CRYBB1: variants seen among roughly 807,000 people sequenced by gnomAD.
CRYBB1 encodes beta-crystallin B1.
A neutral mutation model predicts 29.5 loss-of-function variants in CRYBB1; 16 were observed. The ratio of observed to expected loss-of-function variants is 0.54; its 90% CI spans 0.37 to 0.82. The LOEUF is 0.82. Ranked by LOEUF, CRYBB1 falls within the 40% of genes least tolerant of loss-of-function variation. The pLI is 0.00. For missense variants in CRYBB1, 300 were observed against 350.5 expected (o/e 0.86, Z 1.15); for synonymous variants, 127 against 136.7 (o/e 0.93, Z 0.49).
At chr22:26,600,325 C>A (rs1436870605) in intron 5 of CRYBB1, among the ~76,000 whole-genome samples, 1 of 151,968 alleles carries the variant, frequency 6.6e-6, no homozygotes, top group Non-Finnish European at 1.5e-5. Context: ...CGGCGTGAAC[C>A]CAGGAGGCGG....
intron 5 of CRYBB1, among the ~76,000 whole-genome samples, chr22:26,601,484 C>G (rs1928817258): frequency 6.6e-6 from 1 of 151,768 alleles, no homozygotes; most frequent in Non-Finnish European, 1.5e-5. Context: ...AAATTCACTG[C>G]TCAGAACTCA....
intron 3 of CRYBB1, among the ~76,000 whole-genome samples, chr22:26,609,311 A>T (rs1014286973): frequency 6.6e-6 from 1 of 152,228 alleles, no homozygotes; most frequent in African/African-American, 2.4e-5. Flanking sequence ...TTGTCTTCCC[A>T]GAATAGAGTT....
Position 26,616,256 on chromosome 22 carries a change from T to G in CRYBB1, c.64A>C (p.Lys22Gln). 1 of 1,613,918 alleles carries G rather than the reference T, an allele frequency of 6.2e-7. No homozygotes were observed. The highest frequency in any genetic ancestry group is 1.1e-5 in the South Asian group (1 of 91,068). ...TVAVNPGPDT[K>Q]GKGAPPAGTS... ...CCTGCAGGTGGGGCCCCCTTCCCCT[T>G]GGTGTCAGGCCCTGGGTTCACCGCC... Residue 22 changes from lysine to glutamine, a missense_variant, in exon 2 of 6, where the codon AAG (lysine) becomes CAG (glutamine). Lys to Gln is a moderately conservative substitution (Grantham distance 53). Coordinates refer to ENST00000647684, the MANE Select transcript of CRYBB1 (RefSeq NM_001887.4).
intron 2 of CRYBB1, among the ~76,000 whole-genome samples, chr22:26,615,370 T>C (rs951039780): frequency 1.3e-5 from 2 of 151,712 alleles, no homozygotes; most frequent in African/African-American, 4.9e-5. Flanking sequence ...TTCCTTTTCT[T>C]CTTTTTTTTT....
chr22:26,615,103 T>A (rs909745836), intron 2 of CRYBB1, among the ~76,000 whole-genome samples: 1 of 152,176 alleles, frequency 6.6e-6, no homozygotes, highest in African/African-American at 2.4e-5. Context: ...AACTAATGAT[T>A]AAATAGGTAC....
intron 4 of CRYBB1, 67 bp downstream of exon 4, chr22:26,607,817 GTCAGA>G: frequency 6.2e-7 from 1 of 1,606,354 alleles, no homozygotes; most frequent in Non-Finnish European, 8.5e-7. Context: ...TCTTGCCCTT[GTCAGA>G]TCTCAGACTT....
chr22:26,599,410 T>C lies in CRYBB1; in HGVS notation c.*80A>G. 6.7e-7 allele frequency: 1 copy of C among 1,492,824 alleles called. No individual in the cohort carries two copies. Among genetic ancestry groups the C allele is most frequent in the South Asian group, 1.3e-5 (1 of 79,592 alleles). The allele number at this position is 1,492,824 out of a possible 1,614,324, so 92.5% of individuals were successfully genotyped here. A position where few individuals can be genotyped will look rare whatever the true frequency, so the allele number is the denominator to read the frequency against. The stretch of plus-strand genomic sequence containing the variant: ...CAGGAGAAATTTTGGCTTTAGGGAA[T>C]TTTATTTGCCTGGGAAAAATGGGGG... On this transcript the variant is annotated 3_prime_UTR_variant, in exon 6 of 6. Coordinates refer to ENST00000647684, the MANE Select transcript of CRYBB1 (RefSeq NM_001887.4).
intron 5 of CRYBB1, among the ~76,000 whole-genome samples, chr22:26,599,971 A>G (rs972173602): frequency 6.6e-6 from 1 of 152,232 alleles, no homozygotes; most frequent in Non-Finnish European, 1.5e-5. Flanking sequence ...TTGCCTGTGC[A>G]TGGTAGGAAT....
At chr22:26,616,483 C>T (rs1929360572) in intron 1 of CRYBB1, 145 bp from the exon 2 acceptor site, 2 of 654,122 alleles carry the variant, frequency 3.1e-6, no homozygotes, top group Admixed American at 4.7e-5. Flanking sequence ...GTTTTTCTTT[C>T]ATCCCTACTT....
chr22:26,610,058 T>G (rs893419251), intron 3 of CRYBB1, among the ~76,000 whole-genome samples: 1 of 132,326 alleles, frequency 7.6e-6, no homozygotes, highest in Non-Finnish European at 1.7e-5. Context: ...CATGCCCAAG[T>G]CCCCCTAAAA....
intron 2 of CRYBB1, among the ~76,000 whole-genome samples, chr22:26,614,493 G>A (rs550176739): frequency 9.8e-5 from 15 of 152,334 alleles, no homozygotes; most frequent in African/African-American, 3.1e-4. Flanking sequence ...TCCAAGCCAT[G>A]CTGTTCACGA....
At chr22:26,610,419 A>G (rs1056287698) in intron 3 of CRYBB1, among the ~76,000 whole-genome samples, 2 of 152,126 alleles carry the variant, frequency 1.3e-5, no homozygotes, top group East Asian at 3.9e-4. Flanking sequence ...CATGCCCATC[A>G]GGCACGGCTC....
chr22:26,612,677 A>G (rs534219615), intron 2 of CRYBB1, among the ~76,000 whole-genome samples: 1 of 152,348 alleles, frequency 6.6e-6, no homozygotes, highest in Admixed American at 6.5e-5. Flanking sequence ...TGAAGCTAAG[A>G]TCTGCGCCAT....
At chr22:26,604,732 T>G (rs528990335) in intron 4 of CRYBB1, among the ~76,000 whole-genome samples, 3 of 152,342 alleles carry the variant, frequency 2.0e-5, no homozygotes, top group African/African-American at 4.8e-5. Context: ...CAGGCAGGGA[T>G]GTAAGCACAG....
At position 26,599,622 on chromosome 22, in the gene CRYBB1, C is replaced by T. The variant is rs145894839; in HGVS notation, c.627G>A (p.Glu209=). Residue 209 remains glutamate, a synonymous_variant, in exon 6 of 6, where the codon GAG becomes GAA. Transcript: ENST00000647684. Reference sequence around the variant, plus strand: ...CATTCCAGTGCCGGAAGTCACCAGGCTCTAGGAGGTACTGGTACCCGCGGT... The same window carrying T: ...CATTCCAGTGCCGGAAGTCACCAGGTTCTAGGAGGTACTGGTACCCGCGGT... ...PGYRGYQYLL[E]PGDFRHWNEW... is the part of the protein sequence containing the mutation. The T allele has an allele frequency of 4.7e-5, 76 of 1,614,170 alleles. No individual in the cohort carries two copies. The African/African-American group carries it at 9.2e-4, about 20-fold the overall frequency.
intron 3 of CRYBB1, among the ~76,000 whole-genome samples, chr22:26,610,319 C>T (rs1352526357): frequency 6.6e-6 from 1 of 152,284 alleles, no homozygotes; most frequent in East Asian, 1.9e-4. Context: ...CTCACTTTCC[C>T]CATGCCTACC....
chr22:26,608,108 G>A, intron 3 of CRYBB1, 87 bp from the exon 4 acceptor site: 1 of 1,604,592 alleles, frequency 6.2e-7, no homozygotes, highest in South Asian at 1.1e-5. Context: ...CTCTCCCCTG[G>A]CAAGGCAGCC....
At chr22:26,615,758 C>T (rs1929328862) in intron 2 of CRYBB1, among the ~76,000 whole-genome samples, 3 of 152,180 alleles carry the variant, frequency 2.0e-5, no homozygotes, top group Admixed American at 6.5e-5. Context: ...AGGTGATCCA[C>T]CTGCCTCGGC....
At chr22:26,602,988 G>T (rs1007925307) in intron 4 of CRYBB1, among the ~76,000 whole-genome samples, 1 of 151,934 alleles carries the variant, frequency 6.6e-6, no homozygotes, top group Non-Finnish European at 1.5e-5. Flanking sequence ...AGCCGGGCGT[G>T]GTGGTGGGAG....
Sources: gnomAD v4.1 joint callset for allele counts (sites outside exome capture counted in the v4.1 genomes callset) on GRCh38, gnomAD v4.1.1 for gene constraint, MANE v1.5 for transcripts, NCBI Gene and HGNC (gene_info 2026-07-23, HGNC 2026-07-21) for gene names.